Variants in PIP4K2A observed in about 807,000 individuals in gnomAD.
The protein encoded by PIP4K2A is phosphatidylinositol-5-phosphate 4-kinase type 2 alpha.
Under a neutral mutation model 42.9 loss-of-function variants are expected in PIP4K2A, and 14 were observed. The ratio of observed to expected loss-of-function variants is 0.33; its 90% CI spans 0.22 to 0.51. The LOEUF (loss-of-function observed/expected upper bound fraction) is 0.51. Ranked by LOEUF, PIP4K2A falls within the 20% of genes least tolerant of loss-of-function variation. The pLI, the probability that PIP4K2A is intolerant of heterozygous loss-of-function variation, is 0.97. For missense variants in PIP4K2A, 434 were observed against 519.8 expected (o/e 0.83, Z 1.61); for synonymous variants, 192 against 192.2 (o/e 1.00, Z 0.01).
chr10:22,654,486 G>A (rs771202509), intron 1 of PIP4K2A, among the ~76,000 whole-genome samples: 2 of 152,194 alleles, frequency 1.3e-5, no homozygotes, highest in Non-Finnish European at 1.5e-5. Flanking sequence ...TGTGAAAGGC[G>A]TTCTTAACAT....
chr10:22,554,001 C>G (rs939483262), intron 6 of PIP4K2A, among the ~76,000 whole-genome samples: 6 of 151,650 alleles, frequency 4.0e-5, no homozygotes, highest in African/African-American at 1.5e-4. Flanking sequence ...ATGAGATAAC[C>G]GTGGTGGTGT....
intron 8 of PIP4K2A, 147 bp downstream of exon 8, chr10:22,541,657 C>T: frequency 1.1e-6 from 1 of 917,474 alleles, no homozygotes; most frequent in Non-Finnish European, 1.6e-6. Context: ...TTAACATACT[C>T]TTGTCCCCAA....
chr10:22,653,116 G>T (rs1320692038), intron 1 of PIP4K2A, among the ~76,000 whole-genome samples: 1 of 151,966 alleles, frequency 6.6e-6, no homozygotes, highest in East Asian at 1.9e-4. Context: ...TATGAGAAAG[G>T]ACCACCCCCG....
At chr10:22,623,431 CA>C (rs1838373102) in intron 1 of PIP4K2A, among the ~76,000 whole-genome samples, 1 of 152,194 alleles carries the variant, frequency 6.6e-6, no homozygotes, top group Non-Finnish European at 1.5e-5. Context: ...GGGTCTTCCA[CA>C]AGGGCGGTGT....
intron 4 of PIP4K2A, among the ~76,000 whole-genome samples, chr10:22,587,194 C>G (rs151257077): frequency 6.6e-6 from 1 of 152,082 alleles, no homozygotes. Context: ...GAATATAATT[C>G]CAACTGTGGC....
chr10:22,649,672 G>A (rs1348926704), intron 1 of PIP4K2A, among the ~76,000 whole-genome samples: 1 of 152,176 alleles, frequency 6.6e-6, no homozygotes, highest in East Asian at 1.9e-4. Flanking sequence ...ACCTCCAAGG[G>A]AGGGGCATGC....
intron 3 of PIP4K2A, among the ~76,000 whole-genome samples, chr10:22,596,205 CAAAA>C (rs10681238): frequency 1.3e-4 from 9 of 69,708 alleles, no homozygotes; most frequent in African/African-American, 2.5e-4. Context: ...AACTCCGTCT[CAAAA>C]AAAAAAAAAA....
At chr10:22,595,510 C>T (rs1262966793) in intron 3 of PIP4K2A, among the ~76,000 whole-genome samples, 2 of 152,248 alleles carry the variant, frequency 1.3e-5, no homozygotes, top group East Asian at 1.9e-4. Context: ...GTAGTCTCAG[C>T]GCTTTGGGGG....
chr10:22,582,891 TAA>T (rs57477195), intron 4 of PIP4K2A, among the ~76,000 whole-genome samples: 14,944 of 118,842 alleles, frequency 0.13, 918 homozygotes, highest in Middle Eastern at 0.25. Flanking sequence ...CGTCTTGAAG[TAA>T]AAAAAAAAAA....
chr10:22,646,400 A>G (rs1234621694), intron 1 of PIP4K2A: 1 of 152,198 alleles, frequency 6.6e-6, no homozygotes, highest in Non-Finnish European at 1.5e-5. Flanking sequence ...CTTTCACACA[A>G]GAGAGCTTAT....
chr10:22,622,610 G>A (rs1288597033), intron 1 of PIP4K2A, among the ~76,000 whole-genome samples: 1 of 152,212 alleles, frequency 6.6e-6, no homozygotes, highest in Non-Finnish European at 1.5e-5. Context: ...CCAGTGGGCG[G>A]CAGCACAAAG....
intron 1 of PIP4K2A, among the ~76,000 whole-genome samples, chr10:22,618,744 C>T (rs933799002): frequency 6.6e-6 from 1 of 152,180 alleles, no homozygotes; most frequent in African/African-American, 2.4e-5. Flanking sequence ...GGGTTAGAAT[C>T]ATGTGCAGGA....
intron 1 of PIP4K2A, among the ~76,000 whole-genome samples, chr10:22,676,124 G>C (rs1395837837): frequency 6.6e-6 from 1 of 151,950 alleles, no homozygotes; most frequent in Non-Finnish European, 1.5e-5. Flanking sequence ...CCTCCGTGGA[G>C]AGCATTTTTG....
chr10:22,660,049 GTTTCCAGGAC>G (rs1441051395), intron 1 of PIP4K2A, among the ~76,000 whole-genome samples: 1 of 152,102 alleles, frequency 6.6e-6, no homozygotes, highest in Non-Finnish European at 1.5e-5. Flanking sequence ...AACTTTGATT[GTTTCCAGGAC>G]TTTCTGCCTT....
At chr10:22,544,271 T>C (rs879486060) in intron 7 of PIP4K2A, among the ~76,000 whole-genome samples, 8 of 150,818 alleles carry the variant, frequency 5.3e-5, no homozygotes, top group Non-Finnish European at 8.8e-5. Context: ...ATTTGAAAAA[T>C]ACTGCATTGT....
In PIP4K2A at chr10:22,535,491, C is replaced by T. The variant is rs1835897076; in HGVS notation, c.*1710G>A. On this transcript the variant is annotated 3_prime_UTR_variant, in exon 10 of 10. Coordinates refer to ENST00000376573, the MANE Select transcript of PIP4K2A (RefSeq NM_005028.5). ...GATCCACATACACGGGGCACAGCTG[C>T]AATCTGGACAGCCCTGAAGTAAAGT... The T allele has an allele frequency of 6.6e-6, 1 of 152,244 alleles. No homozygotes were observed. The highest frequency in any genetic ancestry group is 2.1e-4 in the South Asian group (1 of 4,828). The allele number at this position is 152,244 out of a possible 1,614,324, so 9.4% of individuals were successfully genotyped here.
At position 22,708,096 on chromosome 10, in the gene PIP4K2A, C is replaced by T. The variant is rs79706808; in HGVS notation, c.144+6087G>A. ...AGAAGTGAGAATGGAAACGAAGAGA[C>T]GGATTCAAGGAAACTCCCCAGGGAT... On this transcript the variant is annotated intron_variant, in intron 1 of 9. Transcript: ENST00000376573. Among the ~76,000 whole-genome samples, 615 of 152,224 alleles carry T rather than the reference C, an allele frequency of 4.0e-3. 4 individuals carry two copies. The highest frequency in any genetic ancestry group is 0.014 in the African/African-American group (595 of 41,524).
Position 22,609,653 on chromosome 10 carries a change from G to T in PIP4K2A, c.209C>A (p.Ser70Ter). 1 of 1,606,906 alleles carries T rather than the reference G, an allele frequency of 6.2e-7. No homozygotes were observed. Among genetic ancestry groups the T allele is most frequent in the Non-Finnish European group, 8.5e-7 (1 of 1,174,024 alleles). The stretch of plus-strand genomic sequence containing the variant: ...AAGGTGATTGTCCACCTTTATTTTT[G>T]AATAGGCTTTGAAGTCATCTGGCAT... ...MLMPDDFKAY[S>*]KIKVDNHLFN... is the part of the protein sequence containing the mutation. The change falls in exon 2 of 10, where the codon TCA becomes TAA. Residue 70 changes from serine (S) to a stop codon, truncating the protein, a stop_gained. Coordinates refer to ENST00000376573, the MANE Select transcript of PIP4K2A (RefSeq NM_005028.5). LOFTEE classifies it high-confidence loss of function.
chr10:22,650,250 T>C (rs535887452), intron 1 of PIP4K2A, among the ~76,000 whole-genome samples: 8 of 152,336 alleles, frequency 5.3e-5, no homozygotes, highest in African/African-American at 1.9e-4. Flanking sequence ...TACCGTTTTT[T>C]AGCCTCAGTT....
Sources: allele counts gnomAD v4.1 joint callset (sites outside exome capture counted in the v4.1 genomes callset), GRCh38; gene constraint gnomAD v4.1.1; transcripts MANE v1.5; gene names NCBI Gene and HGNC (gene_info 2026-07-23, HGNC 2026-07-21).